The following PCDH11X variants were observed in gnomAD, a reference collection of about 807,000 sequenced individuals.
PCDH11X encodes protocadherin-11 X-linked.
In PCDH11X, 18 loss-of-function variants were observed where a neutral mutation model predicts 53.3. The ratio of observed to expected loss-of-function variants is 0.34; its 90% CI spans 0.23 to 0.50. The LOEUF is 0.50. PCDH11X is among the 20% of genes least tolerant of loss of function. The pLI is 0.98. For missense variants in PCDH11X, 570 were observed against 1,032.4 expected, an observed-to-expected ratio of 0.55 and a Z score of 6.14; for synonymous variants, 279 against 393.3, an observed-to-expected ratio of 0.71 and a Z score of 3.44.
chrX:91,912,051 G>T (rs1941389617), intron 6 of PCDH11X, among the ~76,000 whole-genome samples: 1 of 111,496 alleles, frequency 9.0e-6, no homozygotes, highest in Admixed American at 9.5e-5. Flanking sequence ...TATTGTAAAT[G>T]GGATTACTTT....
At chrX:92,134,331 T>A (rs757595125) in intron 6 of PCDH11X, among the ~76,000 whole-genome samples, 197 of 111,146 alleles carry the variant, frequency 1.8e-3, no homozygotes, top group Admixed American at 2.6e-3. Flanking sequence ...AGGAATAGAA[T>A]GGGAGGCAGG....
chrX:92,252,884 G>A (rs768646299), intron 7 of PCDH11X, among the ~76,000 whole-genome samples: 4 of 110,383 alleles, frequency 3.6e-5, no homozygotes, highest in East Asian at 2.9e-4. Flanking sequence ...TCCCATTCCC[G>A]TCTAACTTCC....
intron 7 of PCDH11X, among the ~76,000 whole-genome samples, chrX:92,240,657 T>A (rs1311219460): frequency 8.9e-6 from 1 of 111,780 alleles, no homozygotes; most frequent in Admixed American, 9.6e-5. Context: ...ATTAGACATA[T>A]GATAAAATTT....
intron 9 of PCDH11X, chrX:92,420,625 A>T (rs2071943091): frequency 3.7e-6 from 1 of 267,217 alleles, no homozygotes; most frequent in Non-Finnish European, 7.1e-6. Context: ...ATACCATCTC[A>T]CTATTTTCTG....
chrX:92,104,665 GAGA>G (rs1007562466), intron 6 of PCDH11X, among the ~76,000 whole-genome samples: 2 of 110,727 alleles, frequency 1.8e-5, no homozygotes, highest in East Asian at 2.9e-4. Context: ...CAGGCTAAGG[GAGA>G]AGAAGGAGGA....
chrX:92,609,816 T>A (rs1266734631), intron 10 of PCDH11X, among the ~76,000 whole-genome samples: 1 of 111,063 alleles, frequency 9.0e-6, no homozygotes, highest in East Asian at 2.8e-4. Flanking sequence ...GTACCCAATG[T>A]TTAGCTTCCA....
intron 8 of PCDH11X, among the ~76,000 whole-genome samples, chrX:92,322,004 A>C (rs2069226568): frequency 9.3e-6 from 1 of 107,472 alleles, no homozygotes; most frequent in Admixed American, 1.0e-4. Context: ...CTTTTCCAGC[A>C]GAAACGTATA....
intron 9 of PCDH11X, among the ~76,000 whole-genome samples, chrX:92,419,560 T>G (rs2071904480): frequency 9.2e-6 from 1 of 108,736 alleles, no homozygotes. Context: ...GTGCTATACC[T>G]ATTTATTTTC....
intron 4 of PCDH11X, among the ~76,000 whole-genome samples, chrX:91,822,256 T>C (rs1936718533): frequency 9.3e-6 from 1 of 108,036 alleles, no homozygotes. Context: ...ATGGTACCAG[T>C]TCCTCCTTGT....
At chrX:92,369,090 AT>A (rs1382549816) in intron 8 of PCDH11X, among the ~76,000 whole-genome samples, 6 of 98,892 alleles carry the variant, frequency 6.1e-5, no homozygotes, top group Admixed American at 3.2e-4. Flanking sequence ...GGCAGGAATG[AT>A]GATATCTGCT....
At position 92,048,207 on chromosome X, in the gene PCDH11X, T is replaced by C. The variant is rs778292040; in HGVS notation, c.3034-153168T>C. 5.0e-3 allele frequency among the ~76,000 whole-genome samples: 522 copies of C among 105,263 alleles called. 7 individuals are homozygous for C. The highest frequency in any genetic ancestry group is 0.018 in the African/African-American group (509 of 28,372). 91.4% of individuals were successfully genotyped at this position (105,263 alleles called of 115,157 possible). A position where few individuals can be genotyped will look rare whatever the true frequency, so the allele number is the denominator to read the frequency against. On this transcript the variant is annotated intron_variant, in intron 6 of 10. Coordinates refer to ENST00000682573, the MANE Select transcript of PCDH11X (RefSeq NM_032968.5). ...CATCATTTCAAAATACAAATAATTC[T>C]TGATTACCTATTGATATAAAGCTTT...
In PCDH11X at chrX:92,004,725, C is replaced by A. The variant is rs1485774697; in HGVS notation, c.3033+125452C>A. 4.8e-5 allele frequency among the ~76,000 whole-genome samples: 5 copies of A among 105,117 alleles called. No homozygotes were observed. The Admixed American group carries it at 5.2e-4, about 11-fold the overall frequency. 91.3% of individuals were successfully genotyped at this position (105,117 alleles called of 115,157 possible). The stretch of plus-strand genomic sequence containing the variant: ...CTTGCTCATTTTGGGTTTCCATTGT[C>A]CTGAAATATTTTTCCATCCTTTAAT... On this transcript the variant is annotated intron_variant, in intron 6 of 10. Transcript: ENST00000682573.
At chrX:92,261,510 T>C (rs1048553852) in intron 7 of PCDH11X, among the ~76,000 whole-genome samples, 1 of 111,873 alleles carries the variant, frequency 8.9e-6, no homozygotes, top group African/African-American at 3.2e-5. Flanking sequence ...AAGATAGATG[T>C]GTTTCACATT....
At position 91,907,412 on chromosome X, in the gene PCDH11X, C is replaced by CCCACACACACACAGAG. The variant is rs1556333002; in HGVS notation, c.3033+28139_3033+28140insCCACACACACACAGAG. On this transcript the variant is annotated intron_variant, in intron 6 of 10. Coordinates refer to ENST00000682573, the MANE Select transcript of PCDH11X (RefSeq NM_032968.5). Reference sequence around the variant, plus strand: ...ACACACACACACACACACACACACACAGAGAGAGAGAGAGAGAGAGAGAGA... The same window carrying CCCACACACACACAGAG: ...ACACACACACACACACACACACACACCCACACACACACAGAGAGAGAGAGAGAGAGAGAGAGAGAGA... 1.3e-3 allele frequency among the ~76,000 whole-genome samples: 76 copies of CCCACACACACACAGAG among 57,498 alleles called. 2 individuals are homozygous for CCCACACACACACAGAG. In the East Asian group the frequency reaches 0.014, roughly 11 times the overall value. 49.9% of individuals were successfully genotyped at this position (57,498 alleles called of 115,157 possible).
chrX:92,120,953 G>A (rs2064750343), intron 6 of PCDH11X, among the ~76,000 whole-genome samples: 1 of 110,634 alleles, frequency 9.0e-6, no homozygotes, highest in Admixed American at 9.7e-5. Context: ...TTCATGTAGT[G>A]GCTTCCTTTT....
intron 6 of PCDH11X, among the ~76,000 whole-genome samples, chrX:91,905,433 A>G (rs1456907400): frequency 9.0e-6 from 1 of 111,279 alleles, no homozygotes; most frequent in Admixed American, 9.7e-5. Flanking sequence ...ATAAATAAGA[A>G]AAATATTTAA....
chrX:92,605,341 G>T (rs996817453), intron 10 of PCDH11X, among the ~76,000 whole-genome samples: 1 of 111,081 alleles, frequency 9.0e-6, no homozygotes, highest in Non-Finnish European at 1.9e-5. Flanking sequence ...AACAACAAGA[G>T]AAATTCCAAA....
At chrX:92,112,652 A>G (rs1178176772) in intron 6 of PCDH11X, among the ~76,000 whole-genome samples, 1 of 109,589 alleles carries the variant, frequency 9.1e-6, no homozygotes, top group Non-Finnish European at 1.9e-5. Flanking sequence ...CACCATGATA[A>G]TCCATTTATA....
chrX:92,019,801 C>A lies in PCDH11X; in HGVS notation c.3033+140528C>A, dbSNP rs1297455195. On this transcript the variant is annotated intron_variant, in intron 6 of 10. Coordinates refer to ENST00000682573, the MANE Select transcript of PCDH11X (RefSeq NM_032968.5). ...GGCCAAGATGGCCAACTAGAAGCAG[C>A]AGAGATTGGAGGTTGCCATGGAAAA... 3.6e-5 allele frequency among the ~76,000 whole-genome samples: 4 copies of A among 112,028 alleles called. No individual in the cohort carries two copies. The East Asian group carries it at 1.1e-3, about 32-fold the overall frequency.
Sources: allele counts gnomAD v4.1 joint callset (sites outside exome capture counted in the v4.1 genomes callset), GRCh38; gene constraint gnomAD v4.1.1; transcripts MANE v1.5; gene names NCBI Gene and HGNC (gene_info 2026-07-23, HGNC 2026-07-21).